Variants in BLTP1 observed in about 807,000 individuals in gnomAD.
The protein encoded by BLTP1 is fragile site-associated protein.
chr4:122,254,624 TTTCTA>T, the BLTP1 span: 288 of 814,858 alleles, frequency 3.5e-4, 3 homozygotes, highest in African/African-American at 7.7e-3. Context: ...TTTTCTTTCT[TTTCTA>T]TTGTCCATTT....
the BLTP1 span, chr4:122,175,087 T>C: frequency 2.1e-6 from 2 of 956,906 alleles, no homozygotes; most frequent in Non-Finnish European, 2.5e-6. Context: ...CAAATATGAA[T>C]ATAATAAGGA....
At chr4:122,325,936 A>G in the BLTP1 span, 3 of 836,040 alleles carry the variant, frequency 3.6e-6, no homozygotes, top group African/African-American at 1.8e-5. Flanking sequence ...TAAGAACAAT[A>G]TAAATTTTGC....
chr4:122,348,047 T>G, the BLTP1 span, among the ~76,000 whole-genome samples: 1 of 152,140 alleles, frequency 6.6e-6, no homozygotes, highest in Admixed American at 6.6e-5. Context: ...CCATATGGGC[T>G]TGGCCTTGTA....
chr4:122,249,062 A>G, the BLTP1 span: 16 of 954,700 alleles, frequency 1.7e-5, no homozygotes, highest in African/African-American at 3.5e-5. Flanking sequence ...TATGTAAAAT[A>G]TGTCAGTATA....
chr4:122,237,294 G>A, the BLTP1 span: 1 of 985,040 alleles, frequency 1.0e-6, no homozygotes. Flanking sequence ...ATTTCCCCCA[G>A]CCCCTCAGTT....
At chr4:122,197,430 A>G in the BLTP1 span, 2 of 777,622 alleles carry the variant, frequency 2.6e-6, no homozygotes, top group Non-Finnish European at 3.1e-6. Flanking sequence ...GGGAAATATT[A>G]TATAATTGAG....
the BLTP1 span, chr4:122,281,512 A>T: frequency 6.4e-7 from 1 of 1,550,660 alleles, no homozygotes; most frequent in Non-Finnish European, 8.7e-7. Context: ...TTTATTTTTT[A>T]ATTATTTTTT....
At chr4:122,225,219 A>G in the BLTP1 span, 8 of 176,220 alleles carry the variant, frequency 4.5e-5, no homozygotes, top group Admixed American at 5.2e-4. Context: ...AACAAAAGTG[A>G]ATTTACTGGT....
the BLTP1 span, chr4:122,343,550 T>C: frequency 6.2e-7 from 1 of 1,613,976 alleles, no homozygotes; most frequent in Non-Finnish European, 8.5e-7. Context: ...ATTTCATCCA[T>C]ATGGAGCAGG....
At chr4:122,272,554 A>T in the BLTP1 span, 1 of 623,094 alleles carries the variant, frequency 1.6e-6, no homozygotes, top group African/African-American at 1.8e-5. Context: ...CTGAGGTACC[A>T]AGAACTTTGT....
the BLTP1 span, among the ~76,000 whole-genome samples, chr4:122,260,350 AC>A: frequency 9.9e-5 from 15 of 152,248 alleles, no homozygotes; most frequent in Non-Finnish European, 2.2e-4. Flanking sequence ...ACAGTAAGAC[AC>A]ATGACAAAAG....
the BLTP1 span, among the ~76,000 whole-genome samples, chr4:122,270,638 A>C: frequency 1.4e-5 from 2 of 139,738 alleles, no homozygotes; most frequent in Non-Finnish European, 1.6e-5. Flanking sequence ...TTAGATACAG[A>C]TTGTAGGAGG....
chr4:122,243,215 G>T, the BLTP1 span: 4 of 941,516 alleles, frequency 4.2e-6, no homozygotes, highest in Non-Finnish European at 6.1e-6. Context: ...TCTCTGCCAT[G>T]GCTTTGGCTA....
the BLTP1 span, chr4:122,200,478 G>A: frequency 1.5e-6 from 1 of 686,672 alleles, no homozygotes; most frequent in Non-Finnish European, 1.8e-6. Flanking sequence ...TACTCTGGAG[G>A]CTGAGGCACA....
At chr4:122,362,653 A>G in the BLTP1 span, 3 of 164,470 alleles carry the variant, frequency 1.8e-5, no homozygotes, top group Admixed American at 1.2e-4. Context: ...ATGTAGACTT[A>G]TATAAATACC....
At chr4:122,215,453 C>T in the BLTP1 span, 3 of 985,144 alleles carry the variant, frequency 3.0e-6, no homozygotes, top group Non-Finnish European at 2.4e-6. Context: ...TATGCTGAAA[C>T]CTAATAGTAG....
At chr4:122,192,898 G>A in the BLTP1 span, among the ~76,000 whole-genome samples, 3 of 152,162 alleles carry the variant, frequency 2.0e-5, no homozygotes, top group Admixed American at 2.0e-4. Flanking sequence ...CAGATAATGT[G>A]GCTTAAGCAA....
the BLTP1 span, chr4:122,182,821 CTCTT>C: frequency 1.0e-5 from 10 of 984,710 alleles, no homozygotes; most frequent in East Asian, 6.8e-4. Context: ...ACTCATTTCC[CTCTT>C]TCTTTTTTTA....
chr4:122,294,597 C>A, the BLTP1 span, among the ~76,000 whole-genome samples: 1 of 152,128 alleles, frequency 6.6e-6, no homozygotes, highest in Admixed American at 6.5e-5. Context: ...CCCACAACAA[C>A]CCCATTCAGA....
Sources: gnomAD v4.1 joint callset for allele counts (sites outside exome capture counted in the v4.1 genomes callset) on GRCh38, gnomAD v4.1.1 for gene constraint, MANE v1.5 for transcripts, NCBI Gene and HGNC (gene_info 2026-07-23, HGNC 2026-07-21) for gene names.